RAPGEF4: variants seen among roughly 807,000 people sequenced by gnomAD.
RAPGEF4 encodes RAP guanine-nucleotide-exchange factor (GEF) 4.
Under a neutral mutation model 147.9 loss-of-function variants are expected in RAPGEF4, and 66 were observed. The ratio of observed to expected loss-of-function variants is 0.45; its 90% CI spans 0.37 to 0.55. The LOEUF (loss-of-function observed/expected upper bound fraction) is 0.55. Ranked by LOEUF, RAPGEF4 falls within the 20% of genes least tolerant of loss-of-function variation. The probability of loss-of-function intolerance (pLI) is 0.00; values close to 1 mark genes in which losing one functional copy is unlikely to be tolerated. For synonymous variants in RAPGEF4, 419 were observed against 442.7 expected (o/e 0.95, Z 0.67); for missense variants, 1,071 against 1,257.3 (o/e 0.85, Z 2.24).
intron 4 of RAPGEF4, among the ~76,000 whole-genome samples, chr2:172,906,297 T>TATG (rs1378076811): frequency 6.6e-6 from 1 of 152,190 alleles, no homozygotes; most frequent in Non-Finnish European, 1.5e-5. Flanking sequence ...AATGGGACCT[T>TATG]ATGATGAGAC....
chr2:173,001,993 C>CAAAAAAAAAGAAAAAAAAAAAAAAAA (rs1693971650), intron 17 of RAPGEF4, among the ~76,000 whole-genome samples: 1 of 79,312 alleles, frequency 1.3e-5, no homozygotes, highest in Non-Finnish European at 2.5e-5. Flanking sequence ...GTGATGCTGG[C>CAAAAAAAAAGAAAAAAAAAAAAAAAA]AAAAAAAAAA....
rs939226229 is a variant in RAPGEF4 at position 172,783,768 on chromosome 2, A to G, written c.66-11257A>G. On this transcript the variant is annotated intron_variant, in intron 1 of 30. Coordinates refer to ENST00000397081, the MANE Select transcript of RAPGEF4 (RefSeq NM_007023.4). ...TGTGTGTGTGTATGTGCTTGTGTGT[A>G]TGTGTGAGTGTGTGTGTGTGTGTGT... Among the ~76,000 whole-genome samples, 11 of 144,134 alleles carry G rather than the reference A, an allele frequency of 7.6e-5. No individual in the cohort carries two copies. In the Middle Eastern group the frequency reaches 0.01, roughly 134 times the overall value. The allele number at this position is 144,134 out of a possible 152,430, so 94.6% of individuals were successfully genotyped here.
At chr2:173,043,338 A>T (rs1464507771) in intron 29 of RAPGEF4, among the ~76,000 whole-genome samples, 1 of 152,222 alleles carries the variant, frequency 6.6e-6, no homozygotes, top group Non-Finnish European at 1.5e-5. Context: ...CAGAAGGAAG[A>T]TCAAAACTGT....
In RAPGEF4 at chr2:172,848,194, C is replaced by T. The variant is rs142866468; in HGVS notation, c.444+33769C>T. ...CCAAATATGTTCTATACATTCTAAA[C>T]TCACGCGCAGGGCACTTCTCCCTGA... On this transcript the variant is annotated intron_variant, in intron 4 of 30. Transcript: ENST00000397081. Among the ~76,000 whole-genome samples the T allele has an allele frequency of 5.8e-3, 887 of 152,218 alleles. 8 individuals are homozygous for T. The highest frequency in any genetic ancestry group is 0.021 in the African/African-American group (860 of 41,526).
chr2:172,875,116 T>G (rs945778983), intron 4 of RAPGEF4, among the ~76,000 whole-genome samples: 55 of 152,376 alleles, frequency 3.6e-4, no homozygotes, highest in African/African-American at 1.2e-3. Flanking sequence ...CTTGTAAATT[T>G]GTTTGAGTTC....
intron 1 of RAPGEF4, among the ~76,000 whole-genome samples, chr2:172,768,063 C>T (rs1353687640): frequency 1.3e-5 from 2 of 152,150 alleles, no homozygotes; most frequent in African/African-American, 4.8e-5. Context: ...CTGCCCGCCT[C>T]AGCCTCCCAG....
intron 1 of RAPGEF4, among the ~76,000 whole-genome samples, chr2:172,749,678 A>G (rs1381166482): frequency 6.6e-6 from 1 of 152,188 alleles, no homozygotes. Flanking sequence ...TTGGCTCCTC[A>G]TTACTTATGC....
chr2:172,787,040 T>G (rs1164291697), intron 1 of RAPGEF4, among the ~76,000 whole-genome samples: 3 of 152,042 alleles, frequency 2.0e-5, no homozygotes. Context: ...TGAAACCCCA[T>G]CTCTACTAAA....
chr2:173,021,482 G>A (rs1696084678), intron 23 of RAPGEF4, among the ~76,000 whole-genome samples: 1 of 152,184 alleles, frequency 6.6e-6, no homozygotes, highest in African/African-American at 2.4e-5. Context: ...CAGCTACTCA[G>A]GAGGCTGAGG....
chr2:172,878,270 C>T (rs1696192238), intron 4 of RAPGEF4, among the ~76,000 whole-genome samples: 1 of 152,190 alleles, frequency 6.6e-6, no homozygotes, highest in Admixed American at 6.5e-5. Flanking sequence ...CTCCCCTAAT[C>T]ATTCTCTTCT....
intron 12 of RAPGEF4, 77 bp downstream of exon 12, chr2:172,985,570 T>G: frequency 6.4e-7 from 1 of 1,571,026 alleles, no homozygotes; most frequent in Non-Finnish European, 8.6e-7. Context: ...GCCAGGCTGC[T>G]AACGCCTCAC....
intron 29 of RAPGEF4, among the ~76,000 whole-genome samples, chr2:173,046,196 A>G (rs1262552308): frequency 6.6e-6 from 1 of 152,256 alleles, no homozygotes; most frequent in Non-Finnish European, 1.5e-5. Context: ...ATACGTCAAA[A>G]TTAAAACCAT....
intron 18 of RAPGEF4, among the ~76,000 whole-genome samples, chr2:173,015,909 T>C (rs1383510160): frequency 2.0e-5 from 3 of 152,132 alleles, no homozygotes; most frequent in Admixed American, 6.6e-5. Flanking sequence ...AAAATTCCCC[T>C]GAGAAAAATG....
At chr2:172,846,615 G>A (rs1038203098) in intron 4 of RAPGEF4, among the ~76,000 whole-genome samples, 1 of 152,106 alleles carries the variant, frequency 6.6e-6, no homozygotes, top group African/African-American at 2.4e-5. Flanking sequence ...TTCTTAGATC[G>A]TGCATTTACT....
At chr2:172,735,734 A>G (rs1693681341), upstream of RAPGEF4, 1 of 164,934 alleles carries the variant, frequency 6.1e-6, no homozygotes, top group African/African-American at 2.4e-5. Flanking sequence ...CGGGCGCCGC[A>G]GTGCAGCGGC....
intron 1 of RAPGEF4, among the ~76,000 whole-genome samples, chr2:172,741,398 G>A (rs1410795245): frequency 6.6e-6 from 1 of 152,224 alleles, no homozygotes; most frequent in Non-Finnish European, 1.5e-5. Context: ...TCTCCTCAGG[G>A]ATGGTGGCCT....
intron 2 of RAPGEF4, among the ~76,000 whole-genome samples, chr2:172,796,373 C>A (rs1049819853): frequency 4.6e-5 from 7 of 152,070 alleles, no homozygotes; most frequent in African/African-American, 7.2e-5. Context: ...ATCAATAGGT[C>A]AGGAGATTGA....
At chr2:173,027,658 A>G (rs1696792292) in intron 25 of RAPGEF4, among the ~76,000 whole-genome samples, 1 of 152,372 alleles carries the variant, frequency 6.6e-6, no homozygotes, top group Middle Eastern at 3.4e-3. Flanking sequence ...TGCAGCATGC[A>G]TGTACAGCAG....
intron 6 of RAPGEF4, 26 bp downstream of exon 6, chr2:172,922,326 C>T: frequency 6.3e-7 from 1 of 1,592,714 alleles, no homozygotes. Context: ...CTCTGCCTAT[C>T]TTCTAAAAAT....
Sources: allele counts gnomAD v4.1 joint callset (sites outside exome capture counted in the v4.1 genomes callset), GRCh38; gene constraint gnomAD v4.1.1; transcripts MANE v1.5; gene names NCBI Gene and HGNC (gene_info 2026-07-23, HGNC 2026-07-21).